Variants in ATP11C observed in about 807,000 individuals in gnomAD.
The protein encoded by ATP11C is ATPase phospholipid transporting 11C (ATP11C blood group), also known as phospholipid-transporting ATPase IG.
In ATP11C, 36 loss-of-function variants were observed where a neutral mutation model predicts 97.4. That is an observed-to-expected ratio of 0.37 (90% CI 0.28 to 0.49). The LOEUF (loss-of-function observed/expected upper bound fraction) is 0.49. Among genes scored for constraint, ATP11C ranks in the 20% least tolerant of loss-of-function variants. The pLI is 0.98. For synonymous variants in ATP11C, 275 were observed against 290.9 expected (o/e 0.95, Z 0.56); for missense variants, 730 against 824.6 (o/e 0.89, Z 1.40).
intron 5 of ATP11C, among the ~76,000 whole-genome samples, chrX:139,806,190 G>T (rs2083038951): frequency 9.0e-6 from 1 of 111,580 alleles, no homozygotes; most frequent in Non-Finnish European, 1.9e-5. Context: ...GTATGAGTCA[G>T]ATCACAAAGG....
intron 13 of ATP11C, 45 bp from the exon 14 acceptor site, chrX:139,788,388 C>A: frequency 9.2e-7 from 1 of 1,081,898 alleles, no homozygotes; most frequent in South Asian, 2.0e-5. Context: ...TTAATTTGAT[C>A]ACCCGGTAAC....
At chrX:139,841,444 G>A (rs991498825) in intron 1 of ATP11C, among the ~76,000 whole-genome samples, 2 of 112,831 alleles carry the variant, frequency 1.8e-5, no homozygotes, top group African/African-American at 3.2e-5. Flanking sequence ...GTGAGGTGGA[G>A]TAGAGAAGGA....
intron 1 of ATP11C, among the ~76,000 whole-genome samples, chrX:139,841,823 C>T (rs1036846847): frequency 4.5e-5 from 5 of 112,326 alleles, no homozygotes; most frequent in Non-Finnish European, 9.4e-5. Flanking sequence ...CCATCTTGCT[C>T]TGGAGCTCAG....
chrX:139,798,408 C>G, intron 9 of ATP11C, 54 bp from the exon 10 acceptor site: 1 of 952,930 alleles, frequency 1.0e-6, no homozygotes, highest in Non-Finnish European at 1.5e-6. Flanking sequence ...CAACTCCTCA[C>G]CCAGCTGGCT....
chrX:139,919,423 G>A (rs1038018375), intron 1 of ATP11C, among the ~76,000 whole-genome samples: 12 of 99,693 alleles, frequency 1.2e-4, no homozygotes, highest in Non-Finnish European at 1.2e-4. Flanking sequence ...AGCAGAGATC[G>A]CAGCACTGCA....
intron 1 of ATP11C, among the ~76,000 whole-genome samples, chrX:139,926,451 A>G (rs1025876403): frequency 8.9e-6 from 1 of 112,242 alleles, no homozygotes; most frequent in African/African-American, 3.2e-5. Flanking sequence ...TTTGCACATC[A>G]TGCAGACACA....
intron 5 of ATP11C, among the ~76,000 whole-genome samples, chrX:139,806,598 G>C (rs1284574149): frequency 9.0e-6 from 1 of 111,140 alleles, no homozygotes; most frequent in African/African-American, 3.3e-5. Context: ...CCTAAAGACT[G>C]GGTGTGAGCT....
intron 1 of ATP11C, among the ~76,000 whole-genome samples, chrX:139,898,152 T>C (rs1057205672): frequency 9.0e-6 from 1 of 111,296 alleles, no homozygotes; most frequent in Non-Finnish European, 1.9e-5. Context: ...ACATGCTGTA[T>C]ATTATTTGGT....
chrX:139,852,227 G>A (rs765090894), intron 1 of ATP11C, among the ~76,000 whole-genome samples: 8 of 110,282 alleles, frequency 7.3e-5, no homozygotes, highest in Non-Finnish European at 1.5e-4. Context: ...CTATACAGAA[G>A]TACCTTGCAC....
chrX:139,800,817 T>C, intron 7 of ATP11C, among the ~76,000 whole-genome samples: 1 of 112,163 alleles, frequency 8.9e-6, no homozygotes, highest in South Asian at 3.7e-4. Context: ...CATCAGTGTT[T>C]TATAATCTGC....
In ATP11C at chrX:139,733,568, T is replaced by C. The variant is rs181327716; in HGVS notation, c.3289-1813A>G. ...CCTTAAATGAAGAAAGTTGGTGGAA[T>C]GAAGAAAGTTGATAGACATATTGAT... On this transcript the variant is annotated intron_variant, in intron 28 of 29. Coordinates refer to ENST00000682941, the MANE Select transcript of ATP11C (RefSeq NM_001353812.2). 5.3e-5 allele frequency among the ~76,000 whole-genome samples: 6 copies of C among 112,439 alleles called. No homozygotes were observed. In the East Asian group the frequency reaches 1.7e-3, roughly 31 times the overall value.
In ATP11C at chrX:139,783,212, T is replaced by G; in HGVS notation, c.1722A>C (p.Gln574His). Residue 574 changes from glutamine (Q) to histidine (H), a missense_variant, in exon 17 of 30, where the codon CAA becomes CAC. Coordinates refer to ENST00000682941, the MANE Select transcript of ATP11C (RefSeq NM_001353812.2). Reference sequence around the variant, plus strand: ...CTTTAGTTAACTCAATTTCATGATTTTGCACTCTGGGAAAAACTGCCGAGT... The same window carrying G: ...CTTTAGTTAACTCAATTTCATGATTGTGCACTCTGGGAAAAACTGCCGAGT... ...GADSAVFPRV[Q>H]NHEIELTKVH... 1 of 1,209,357 alleles carries G rather than the reference T, an allele frequency of 8.3e-7. No homozygotes were observed. Among genetic ancestry groups the G allele is most frequent in the East Asian group, 3.0e-5 (1 of 33,766 alleles).
At chrX:139,858,360 T>C (rs1157667442) in intron 1 of ATP11C, among the ~76,000 whole-genome samples, 1 of 112,002 alleles carries the variant, frequency 8.9e-6, no homozygotes, top group African/African-American at 3.2e-5. Context: ...ACTTCTCAGT[T>C]TCCTTTGCCA....
chrX:139,782,786 A>AAG, intron 17 of ATP11C, 58 bp from the exon 18 acceptor site: 1 of 861,268 alleles, frequency 1.2e-6, no homozygotes, highest in Non-Finnish European at 1.6e-6. Flanking sequence ...AAAAAAAAAA[A>AAG]CACACTCTGT....
In ATP11C at chrX:139,803,685, C is replaced by CTTTTTTTTTTTTT. The variant is rs140315105; in HGVS notation, c.555+773_555+785dup. On this transcript the variant is annotated intron_variant, in intron 6 of 29. Coordinates refer to ENST00000682941, the MANE Select transcript of ATP11C (RefSeq NM_001353812.2). The stretch of plus-strand genomic sequence containing the variant: ...AAACATTTTCCAAACTACACCCTAT[C>CTTTTTTTTTTTTT]TTTTTTTTTTTTTTTTTTTTTTTTT... 1.0e-4 allele frequency among the ~76,000 whole-genome samples: 4 copies of CTTTTTTTTTTTTT among 38,265 alleles called. 1 individual carries two copies. Among genetic ancestry groups the CTTTTTTTTTTTTT allele is most frequent in the African/African-American group, 4.2e-4 (4 of 9,558 alleles). 33.2% of individuals were successfully genotyped at this position (38,265 alleles called of 115,157 possible).
intron 1 of ATP11C, among the ~76,000 whole-genome samples, chrX:139,874,358 C>T (rs2084432989): frequency 9.1e-6 from 1 of 109,815 alleles, no homozygotes. Context: ...CCGCGCCTGG[C>T]ACAATCAGGT....
At chrX:139,876,253 T>C (rs772089601) in intron 1 of ATP11C, among the ~76,000 whole-genome samples, 1 of 112,099 alleles carries the variant, frequency 8.9e-6, no homozygotes, top group Admixed American at 9.5e-5. Context: ...GCCACTTCTC[T>C]AACAAGAACA....
chrX:139,767,367 T>C (rs1008349027), intron 20 of ATP11C, among the ~76,000 whole-genome samples: 2 of 111,035 alleles, frequency 1.8e-5, no homozygotes, highest in African/African-American at 6.6e-5. Flanking sequence ...TGACAAAAGG[T>C]AGGACCAACA....
chrX:139,826,549 TTTCA>T (rs746288422), intron 2 of ATP11C, among the ~76,000 whole-genome samples, 151 bp downstream of exon 2: 1 of 111,589 alleles, frequency 9.0e-6, no homozygotes, highest in African/African-American at 3.3e-5. Context: ...ATAAACTGTC[TTTCA>T]GAGGAATACT....
Sources: gnomAD v4.1 joint callset for allele counts (sites outside exome capture counted in the v4.1 genomes callset) on GRCh38, gnomAD v4.1.1 for gene constraint, MANE v1.5 for transcripts, NCBI Gene and HGNC (gene_info 2026-07-23, HGNC 2026-07-21) for gene names.